Variants in DIP2A observed in about 807,000 individuals in gnomAD.
The protein encoded by DIP2A is DIP2 acetate--CoA ligase A, also known as disco-interacting protein 2 homolog A.
In DIP2A, 85 loss-of-function variants were observed where a neutral mutation model predicts 177.4. That is an observed-to-expected ratio of 0.48 (90% confidence interval 0.40 to 0.57). DIP2A has a LOEUF of 0.57. Ranked by LOEUF, DIP2A falls within the 20% of genes least tolerant of loss-of-function variation. The pLI is 0.00. For synonymous variants in DIP2A, 886 were observed against 881.8 expected, an observed-to-expected ratio of 1.00 and a Z score of -0.08; for missense variants, 1,791 against 2,100.2, an observed-to-expected ratio of 0.85 and a Z score of 2.88.
intron 3 of DIP2A, among the ~76,000 whole-genome samples, chr21:46,492,631 G>A (rs1029785906): frequency 6.6e-6 from 1 of 152,174 alleles, no homozygotes; most frequent in African/African-American, 2.4e-5. Flanking sequence ...ATGAGATCAT[G>A]AGGGTGGGGC....
chr21:46,487,481 G>A (rs1372052439), intron 2 of DIP2A, among the ~76,000 whole-genome samples: 1 of 152,134 alleles, frequency 6.6e-6, no homozygotes, highest in African/African-American at 2.4e-5. Flanking sequence ...ACATTATTTG[G>A]GTGGTCACAG....
In DIP2A at chr21:46,541,870, G is replaced by A. The variant is rs2059833000; in HGVS notation, c.2151G>A (p.Gln717=). Residue 717 remains glutamine, a synonymous_variant, in exon 18 of 38, where the codon CAG becomes CAA. Coordinates refer to ENST00000417564, the MANE Select transcript of DIP2A (RefSeq NM_015151.4). The stretch of plus-strand genomic sequence containing the variant: ...AAAAGTTGTCAGTCCTTACTGTTCA[G>A]GACGTTGGTCAGGTGATGCCTGGAG... ...TEEKLSVLTV[Q]DVGQVMPGAN... is the part of the protein sequence containing the mutation. The A allele has an allele frequency of 1.2e-6, 2 of 1,614,062 alleles. No individual in the cohort carries two copies. The highest frequency in any genetic ancestry group is 3.3e-4 in the Middle Eastern group (2 of 6,062).
chr21:46,550,784 A>C (rs1304000070), intron 23 of DIP2A, 40 bp downstream of exon 23: 1 of 1,599,760 alleles, frequency 6.3e-7, no homozygotes. Flanking sequence ...CTAGTCTAAC[A>C]GTGGTAACAG....
chr21:46,460,304 C>T (rs1182908986), intron 1 of DIP2A, among the ~76,000 whole-genome samples: 1 of 152,146 alleles, frequency 6.6e-6, no homozygotes, highest in African/African-American at 2.4e-5. Context: ...CCTTTCAAGG[C>T]CTGTGTCCTG....
intron 32 of DIP2A, chr21:46,559,123 AACAT>A (rs2060580183): frequency 1.4e-5 from 2 of 147,896 alleles, no homozygotes; most frequent in Non-Finnish European, 3.0e-5. Context: ...AAAAAAAAAA[AACAT>A]AGGTAGCACC....
chr21:46,495,230 TTCTCTTCTCTTCTTTCTCTCTCTC>T lies in DIP2A; in HGVS notation c.284-1752_284-1729del, dbSNP rs1568967324. On this transcript the variant is annotated intron_variant, in intron 3 of 37. Transcript: ENST00000417564. ...TTCTCTTCTCTTCTCTTCTCTTCTC[TTCTCTTCTCTTCTTTCTCTCTCTC>T]TCTCTCTCTCTCTCTCTCTCTCTCT... 7.6e-3 allele frequency among the ~76,000 whole-genome samples: 490 copies of T among 64,852 alleles called. 7 individuals are homozygous for T. Among genetic ancestry groups the T allele is most frequent in the African/African-American group, 0.04 (406 of 10,154 alleles). The allele number at this position is 64,852 out of a possible 152,430, so 42.5% of individuals were successfully genotyped here.
chr21:46,510,433 A>G (rs1297569078), intron 7 of DIP2A, among the ~76,000 whole-genome samples: 2 of 152,118 alleles, frequency 1.3e-5, no homozygotes, highest in South Asian at 2.1e-4. Context: ...AATCCCATCA[A>G]GTTGACATCA....
Position 46,537,374 on chromosome 21 carries a change from A to G in DIP2A, c.1708-72A>G. On this transcript the variant is annotated intron_variant, in intron 14 of 37. Coordinates refer to ENST00000417564, the MANE Select transcript of DIP2A (RefSeq NM_015151.4). The surrounding 1 kb of genome is among the most constrained non-coding windows in gnomAD (Gnocchi z 4.1). The stretch of plus-strand genomic sequence containing the variant: ...CTGCCTGAAATGTTGTTGGGAGAGT[A>G]CATCGGTTTTGTTTTGCTTTTTCTG... The G allele has an allele frequency of 6.2e-7, 1 of 1,609,088 alleles. No homozygotes were observed. Among genetic ancestry groups the G allele is most frequent in the Non-Finnish European group, 8.5e-7 (1 of 1,175,430 alleles).
chr21:46,459,713 C>T (rs1254982129), intron 1 of DIP2A, among the ~76,000 whole-genome samples: 6 of 149,928 alleles, frequency 4.0e-5, no homozygotes, highest in Non-Finnish European at 8.8e-5. Context: ...AGGACCCCTC[C>T]CCCATACAAG....
intron 3 of DIP2A, among the ~76,000 whole-genome samples, chr21:46,493,978 G>A (rs768934343): frequency 2.0e-5 from 3 of 151,938 alleles, no homozygotes; most frequent in Non-Finnish European, 4.4e-5. Flanking sequence ...AGCAAATCTC[G>A]GATATGTTAT....
chr21:46,574,779 C>CT (rs200738783), downstream of DIP2A, among the ~76,000 whole-genome samples: 979 of 152,242 alleles, frequency 6.4e-3, 3 homozygotes, highest in African/African-American at 0.022. Context: ...AGACTTATAA[C>CT]TAGTAAGGAG....
At position 46,497,038 on chromosome 21, in the gene DIP2A, A is replaced by T. The variant is rs2057396492; in HGVS notation, c.334A>T (p.Lys112Ter). Residue 112 changes from lysine to a stop codon, truncating the protein, a stop_gained, in exon 4 of 38, where the codon AAG (lysine) becomes TAG (stop). Transcript: ENST00000417564. LOFTEE classifies it high-confidence loss of function. ...AGCTTTGGCCAAATACAAAGAGAGG[A>T]AGATGCCTATGCCTTCGAAGAGACG... ...QAALAKYKER[K>*]MPMPSKRRSV... is the part of the protein sequence containing the mutation. 1.2e-6 allele frequency: 2 copies of T among 1,613,904 alleles called. No homozygotes were observed. The highest frequency in any genetic ancestry group is 1.7e-6 in the Non-Finnish European group (2 of 1,179,856).
At position 46,506,139 on chromosome 21, in the gene DIP2A, A is replaced by C. The variant is rs185503155; in HGVS notation, c.784+1650A>C. Reference sequence around the variant, plus strand: ...GTGTATTTCACCTTTTTTTTTGGAGACTGAGTCTCACTCTGTTGCCCAGGC... The same window carrying C: ...GTGTATTTCACCTTTTTTTTTGGAGCCTGAGTCTCACTCTGTTGCCCAGGC... On this transcript the variant is annotated intron_variant, in intron 6 of 37. Transcript: ENST00000417564. 6.5e-4 allele frequency among the ~76,000 whole-genome samples: 99 copies of C among 151,658 alleles called. 1 individual carries two copies. The highest frequency in any genetic ancestry group is 1.2e-4 in the Non-Finnish European group (8 of 67,894).
chr21:46,502,024 T>G (rs1036413363), intron 5 of DIP2A, among the ~76,000 whole-genome samples: 2 of 152,216 alleles, frequency 1.3e-5, no homozygotes, highest in South Asian at 4.1e-4. Context: ...ACAAACCTAG[T>G]AAAAAGTTAC....
intron 34 of DIP2A, among the ~76,000 whole-genome samples, chr21:46,562,916 C>T (rs905166099): frequency 6.6e-5 from 10 of 152,062 alleles, no homozygotes; most frequent in Admixed American, 5.2e-4. Context: ...GTAAACTCAG[C>T]GGGTTTCCCT....
Position 46,537,560 on chromosome 21 carries a change from G to A in DIP2A, c.1801+21G>A. 4 of 1,608,130 alleles carry A rather than the reference G, an allele frequency of 2.5e-6. No individual in the cohort carries two copies. The highest frequency in any genetic ancestry group is 1.3e-5 in the African/African-American group (1 of 74,816). On this transcript the variant is annotated intron_variant, in intron 15 of 37. Coordinates refer to ENST00000417564, the MANE Select transcript of DIP2A (RefSeq NM_015151.4). This position sits in a 1 kb window ranked among gnomAD's most constrained non-coding sequence, Gnocchi z 4.1. ...TAAAGGTAACGGATACCATGGTCAG[G>A]GCCTTCACCCTTCTTTAGGGAAATC...
intron 19 of DIP2A, among the ~76,000 whole-genome samples, chr21:46,545,474 G>A (rs1182561238): frequency 6.6e-6 from 1 of 152,238 alleles, no homozygotes; most frequent in African/African-American, 2.4e-5. Flanking sequence ...ACCAGGACCA[G>A]GCATGCTGTG....
At chr21:46,550,192 C>T (rs908885616) in intron 22 of DIP2A, 4 of 769,854 alleles carry the variant, frequency 5.2e-6, no homozygotes, top group Non-Finnish European at 7.9e-6. Flanking sequence ...TTATTATATT[C>T]ACCAGTCTGT....
chr21:46,520,461 A>G (rs1423088291), intron 8 of DIP2A, among the ~76,000 whole-genome samples: 1 of 152,228 alleles, frequency 6.6e-6, no homozygotes, highest in Non-Finnish European at 1.5e-5. Context: ...ATTCATGAAC[A>G]TTTTGGCTCT....
Sources: allele counts gnomAD v4.1 joint callset (sites outside exome capture counted in the v4.1 genomes callset), GRCh38; gene constraint gnomAD v4.1.1; non-coding constraint Gnocchi (gnomAD v3.1); transcripts MANE v1.5; gene names NCBI Gene and HGNC (gene_info 2026-07-23, HGNC 2026-07-21).